NTNG1: variants seen among roughly 807,000 people sequenced by gnomAD.
The protein encoded by NTNG1 is netrin G1.
Under a neutral mutation model 54.0 loss-of-function variants are expected in NTNG1, and 16 were observed. The observed-to-expected ratio is 0.30, with a 90% confidence interval of 0.20 to 0.45. The LOEUF is 0.45. Ranked by LOEUF, NTNG1 falls within the 20% of genes least tolerant of loss-of-function variation. NTNG1 has a pLI of 1.00. For missense variants in NTNG1, 530 were observed against 678.7 expected (o/e 0.78, Z 2.43); for synonymous variants, 255 against 263.1 (o/e 0.97, Z 0.30).
chr1:107,435,617 T>A (rs1043765997), intron 6 of NTNG1, among the ~76,000 whole-genome samples: 9 of 152,136 alleles, frequency 5.9e-5, no homozygotes, highest in Non-Finnish European at 1.2e-4. Context: ...AAATCTAATA[T>A]GCCAAACTTG....
chr1:107,249,183 T>TAATAA (rs398069543), intron 2 of NTNG1, among the ~76,000 whole-genome samples: 2 of 149,272 alleles, frequency 1.3e-5, no homozygotes, highest in South Asian at 2.1e-4. Context: ...ATAATAATAA[T>TAATAA]TTAAAAGTTA....
At position 107,361,412 on chromosome 1, in the gene NTNG1, A is replaced by T. The variant is rs555544810; in HGVS notation, c.888-33742A>T. On this transcript the variant is annotated intron_variant, in intron 3 of 7. Transcript: ENST00000370068. Reference sequence around the variant, plus strand: ...ATATATTTTTTTTTTTTTTTGAGACACAGTTTCGCTCTTGTTGCCCAGGCT... The same window carrying T: ...ATATATTTTTTTTTTTTTTTGAGACTCAGTTTCGCTCTTGTTGCCCAGGCT... Among the ~76,000 whole-genome samples the T allele has an allele frequency of 2.8e-5, 3 of 107,068 alleles. No individual in the cohort carries two copies. The Admixed American group carries it at 3.3e-4, about 12-fold the overall frequency. 70.2% of individuals were successfully genotyped at this position (107,068 alleles called of 152,430 possible). A position where few individuals can be genotyped will look rare whatever the true frequency, so the allele number is the denominator to read the frequency against.
intron 2 of NTNG1, among the ~76,000 whole-genome samples, chr1:107,315,258 C>G (rs1171415418): frequency 1.3e-5 from 2 of 152,128 alleles, no homozygotes; most frequent in Non-Finnish European, 2.9e-5. Context: ...ATTTCCACTC[C>G]TCGCACCCCG....
At chr1:107,258,203 T>C (rs1451416070) in intron 2 of NTNG1, among the ~76,000 whole-genome samples, 2 of 151,846 alleles carry the variant, frequency 1.3e-5, no homozygotes. Context: ...TTTTATTTAA[T>C]GTTTTGCCCA....
At chr1:107,374,576 A>T (rs1671116509) in intron 3 of NTNG1, among the ~76,000 whole-genome samples, 2 of 152,074 alleles carry the variant, frequency 1.3e-5, no homozygotes, top group Admixed American at 6.5e-5. Context: ...GTCTTTTAAA[A>T]ATATATATCT....
intron 3 of NTNG1, among the ~76,000 whole-genome samples, chr1:107,334,999 G>A (rs147377795): frequency 1.3e-5 from 2 of 152,090 alleles, no homozygotes; most frequent in Non-Finnish European, 2.9e-5. Context: ...AGATCGCAAA[G>A]CTTCAGGCTT....
chr1:107,169,659 G>C (rs1018193355), intron 2 of NTNG1, among the ~76,000 whole-genome samples: 1 of 152,068 alleles, frequency 6.6e-6, no homozygotes, highest in Admixed American at 6.6e-5. Context: ...AAATGGTAAG[G>C]TGTATATTTA....
intron 2 of NTNG1, among the ~76,000 whole-genome samples, chr1:107,189,964 T>A (rs56299567): frequency 0.052 from 7,849 of 152,206 alleles, 221 homozygotes; most frequent in African/African-American, 0.077. Flanking sequence ...AGTATATACA[T>A]ACAATAGAAT....
Position 107,326,631 on chromosome 1 carries a change from C to G in NTNG1, c.887+1709C>G, listed in dbSNP as rs142794232. On this transcript the variant is annotated intron_variant, in intron 3 of 7. Coordinates refer to ENST00000370068, the MANE Select transcript of NTNG1 (RefSeq NM_001113226.3). Reference sequence around the variant, plus strand: ...AACAAACTAAGATGTGGATTTTAATCCTAGTGTAATCTACATTGCTCGGTA... The same window carrying G: ...AACAAACTAAGATGTGGATTTTAATGCTAGTGTAATCTACATTGCTCGGTA... 2.4e-3 allele frequency among the ~76,000 whole-genome samples: 359 copies of G among 152,130 alleles called. 1 individual carries two copies. The highest frequency in any genetic ancestry group is 7.6e-3 in the African/African-American group (314 of 41,518).
rs1372386577 is a variant in NTNG1, at chr1:107,242,472, A to G, written c.247-81810A>G. On this transcript the variant is annotated intron_variant, in intron 2 of 7. Transcript: ENST00000370068. ...GTAAGAGAAAGTCTTCCAACCACAT[A>G]GTTGTATTAAATAGTATAACAATTG... Among the ~76,000 whole-genome samples, 4 of 152,202 alleles carry G rather than the reference A, an allele frequency of 2.6e-5. No homozygotes were observed. The East Asian group carries it at 7.7e-4, about 29-fold the overall frequency.
chr1:107,349,777 A>T (rs1440860192), intron 3 of NTNG1, among the ~76,000 whole-genome samples: 2 of 152,128 alleles, frequency 1.3e-5, no homozygotes, highest in Admixed American at 1.3e-4. Flanking sequence ...AGAATCATAA[A>T]TATTGATGAA....
chr1:107,381,542 T>C (rs1671647722), intron 3 of NTNG1, among the ~76,000 whole-genome samples: 1 of 152,176 alleles, frequency 6.6e-6, no homozygotes, highest in African/African-American at 2.4e-5. Flanking sequence ...GATCATGTTT[T>C]CAGGCCAGGC....
At position 107,347,300 on chromosome 1, in the gene NTNG1, G is replaced by A. The variant is rs912281984; in HGVS notation, c.887+22378G>A. 2.6e-5 allele frequency among the ~76,000 whole-genome samples: 4 copies of A among 152,080 alleles called. No individual in the cohort carries two copies. The East Asian group carries it at 7.7e-4, about 29-fold the overall frequency. ...AGATCAAGGTGGGAGGACTGTTTGA[G>A]GCCAGAAGTTCAAGATCAGATAGGC... On this transcript the variant is annotated intron_variant, in intron 3 of 7. Coordinates refer to ENST00000370068, the MANE Select transcript of NTNG1 (RefSeq NM_001113226.3).
intron 5 of NTNG1, among the ~76,000 whole-genome samples, chr1:107,424,880 G>A (rs1223248034): frequency 6.6e-6 from 1 of 152,042 alleles, no homozygotes; most frequent in African/African-American, 2.4e-5. Flanking sequence ...CCATGGGGTT[G>A]GGTAAAAATC....
chr1:107,386,319 G>A (rs1410831215), intron 3 of NTNG1, among the ~76,000 whole-genome samples: 4 of 151,622 alleles, frequency 2.6e-5, no homozygotes, highest in Admixed American at 6.6e-5. Flanking sequence ...ACAGGCGCCC[G>A]CCACCAGGCC....
At chr1:107,404,351 G>C (rs1372230810) in intron 4 of NTNG1, among the ~76,000 whole-genome samples, 1 of 152,068 alleles carries the variant, frequency 6.6e-6, no homozygotes, top group African/African-American at 2.4e-5. Context: ...GAGTTTCATG[G>C]AAGGCAAAGT....
At chr1:107,403,473 G>A (rs1410071539) in intron 4 of NTNG1, among the ~76,000 whole-genome samples, 1 of 152,170 alleles carries the variant, frequency 6.6e-6, no homozygotes, top group East Asian at 1.9e-4. Flanking sequence ...ACTTTGGGAG[G>A]ATGAGGCAGG....
At chr1:107,431,116 C>T (rs1443778118) in intron 6 of NTNG1, among the ~76,000 whole-genome samples, 199 bp downstream of exon 6, 1 of 151,998 alleles carries the variant, frequency 6.6e-6, no homozygotes, top group East Asian at 1.9e-4. Context: ...ACTTTGAACC[C>T]TTATGTTGTT....
intron 5 of NTNG1, among the ~76,000 whole-genome samples, chr1:107,415,843 C>CA: frequency 6.6e-6 from 1 of 152,228 alleles, no homozygotes; most frequent in Non-Finnish European, 1.5e-5. Flanking sequence ...GAATTGCTCT[C>CA]AGACATACTA....
Sources: gnomAD v4.1 joint callset for allele counts (sites outside exome capture counted in the v4.1 genomes callset) on GRCh38, gnomAD v4.1.1 for gene constraint, MANE v1.5 for transcripts, NCBI Gene and HGNC (gene_info 2026-07-23, HGNC 2026-07-21) for gene names.